Variants in DGKB observed in about 807,000 individuals in gnomAD.
The protein encoded by DGKB is 90 kDa diacylglycerol kinase.
DGKB carries 67 observed loss-of-function variants against 114.3 expected under a neutral mutation model. That is an observed-to-expected ratio of 0.59 (90% confidence interval 0.48 to 0.72). The LOEUF is 0.72. Ranked by LOEUF, DGKB falls within the 30% of genes least tolerant of loss-of-function variation. The pLI is 0.00. For synonymous variants in DGKB, 398 were observed against 323.1 expected, an observed-to-expected ratio of 1.23 and a Z score of -2.49; for missense variants, 907 against 975.2, an observed-to-expected ratio of 0.93 and a Z score of 0.93.
intron 1 of DGKB, among the ~76,000 whole-genome samples, chr7:14,858,943 G>A (rs528768555): frequency 3.9e-5 from 6 of 152,258 alleles, no homozygotes; most frequent in Non-Finnish European, 8.8e-5. Context: ...AGGGAAAACA[G>A]ACAAACATAT....
At chr7:14,740,994 G>C (rs898161030) in intron 4 of DGKB, among the ~76,000 whole-genome samples, 2 of 152,138 alleles carry the variant, frequency 1.3e-5, no homozygotes, top group African/African-American at 4.8e-5. Flanking sequence ...TAGATGAGTA[G>C]CCATTCGTCT....
chr7:14,680,046 A>G (rs1264079921), intron 12 of DGKB, among the ~76,000 whole-genome samples: 1 of 151,906 alleles, frequency 6.6e-6, no homozygotes, highest in Non-Finnish European at 1.5e-5. Flanking sequence ...AATACCCATA[A>G]GACCCCTAAA....
chr7:14,278,220 T>C (rs1335644657), intron 23 of DGKB, among the ~76,000 whole-genome samples: 1 of 148,414 alleles, frequency 6.7e-6, no homozygotes, highest in Non-Finnish European at 1.5e-5. Context: ...AACTGGGGCA[T>C]CACATGCCCT....
intron 21 of DGKB, among the ~76,000 whole-genome samples, chr7:14,350,768 T>A (rs1813300825): frequency 1.3e-5 from 2 of 151,980 alleles, no homozygotes; most frequent in South Asian, 4.2e-4. Flanking sequence ...ATTGTATGGA[T>A]AACATGCTCA....
intron 20 of DGKB, among the ~76,000 whole-genome samples, chr7:14,483,918 G>T (rs1405125952): frequency 1.3e-5 from 2 of 151,980 alleles, no homozygotes; most frequent in African/African-American, 4.8e-5. Context: ...ATTAAATTTG[G>T]ATTTATCATC....
intron 6 of DGKB, among the ~76,000 whole-genome samples, chr7:14,716,647 T>C (rs1320068709): frequency 6.6e-6 from 1 of 152,164 alleles, no homozygotes; most frequent in Non-Finnish European, 1.5e-5. Context: ...CTTTTACATA[T>C]GCAATTTTAG....
chr7:14,913,869 G>C (rs553088252), intron 1 of DGKB, among the ~76,000 whole-genome samples: 1 of 152,038 alleles, frequency 6.6e-6, no homozygotes, highest in East Asian at 1.9e-4. Context: ...TCAGCAAATG[G>C]AGTTCACAGA....
chr7:14,791,917 G>T (rs2128508436), intron 2 of DGKB, among the ~76,000 whole-genome samples: 1 of 152,048 alleles, frequency 6.6e-6, no homozygotes, highest in Admixed American at 6.6e-5. Flanking sequence ...AGGGATGCTG[G>T]TCTGTGGTTT....
At chr7:14,181,820 G>A (rs1782675272) in intron 23 of DGKB, among the ~76,000 whole-genome samples, 1 of 152,146 alleles carries the variant, frequency 6.6e-6, no homozygotes, top group Non-Finnish European at 1.5e-5. Flanking sequence ...GTTTCTGAAA[G>A]CATTTATATG....
chr7:14,599,539 C>T (rs566223555), intron 17 of DGKB, among the ~76,000 whole-genome samples: 1 of 152,328 alleles, frequency 6.6e-6, no homozygotes, highest in South Asian at 2.1e-4. Context: ...TCAGCCAGTT[C>T]TTCTCCACCT....
intron 25 of DGKB, among the ~76,000 whole-genome samples, chr7:14,150,649 T>C (rs1045233388): frequency 2.0e-5 from 3 of 152,104 alleles, no homozygotes; most frequent in Admixed American, 6.6e-5. Flanking sequence ...TCTGACTTCA[T>C]CTTATTTTTG....
At chr7:14,603,354 A>G (rs1190188090) in intron 17 of DGKB, among the ~76,000 whole-genome samples, 3 of 152,174 alleles carry the variant, frequency 2.0e-5, no homozygotes, top group Non-Finnish European at 4.4e-5. Context: ...ACAGAGCTCA[A>G]TTAAATTTTG....
At chr7:14,298,563 G>T (rs570575412) in intron 23 of DGKB, among the ~76,000 whole-genome samples, 2 of 151,736 alleles carry the variant, frequency 1.3e-5, no homozygotes, top group African/African-American at 4.9e-5. Context: ...ACTCAAGATG[G>T]ATTAAAGCAT....
chr7:14,214,114 A>T (rs1788579253), intron 23 of DGKB, among the ~76,000 whole-genome samples: 1 of 152,110 alleles, frequency 6.6e-6, no homozygotes, highest in African/African-American at 2.4e-5. Context: ...GGTCTCCCCA[A>T]GTCTACTCAG....
At chr7:14,275,394 A>G (rs891881399) in intron 23 of DGKB, among the ~76,000 whole-genome samples, 8 of 152,218 alleles carry the variant, frequency 5.3e-5, no homozygotes, top group African/African-American at 1.9e-4. Flanking sequence ...TGAAACACAA[A>G]GTCCTTGGTC....
chr7:14,692,225 G>A (rs1822998720), intron 9 of DGKB, among the ~76,000 whole-genome samples: 12 of 151,754 alleles, frequency 7.9e-5, no homozygotes, highest in Admixed American at 7.2e-4. Context: ...TAAAATACGG[G>A]CAACTGACTG....
intron 1 of DGKB, among the ~76,000 whole-genome samples, chr7:14,938,057 CT>C (rs910395789): frequency 7.9e-5 from 12 of 152,270 alleles, no homozygotes; most frequent in African/African-American, 2.4e-4. Context: ...ATGGGTCCCC[CT>C]AACCCATACA....
At chr7:14,377,559 G>A (rs1818694309) in intron 21 of DGKB, among the ~76,000 whole-genome samples, 1 of 152,160 alleles carries the variant, frequency 6.6e-6, no homozygotes. Context: ...GGACAGGTAT[G>A]AAAACACTTG....
intron 13 of DGKB, among the ~76,000 whole-genome samples, chr7:14,648,499 C>T (rs1413017054): frequency 1.1e-5 from 1 of 92,094 alleles, no homozygotes; most frequent in Non-Finnish European, 2.4e-5. Context: ...ATCTGTACAT[C>T]ACCATCATCA....
Sources: allele counts gnomAD v4.1 joint callset (sites outside exome capture counted in the v4.1 genomes callset), GRCh38; gene constraint gnomAD v4.1.1; transcripts MANE v1.5; gene names NCBI Gene and HGNC (gene_info 2026-07-23, HGNC 2026-07-21).